Variants in LTAP1 observed in about 807,000 individuals in gnomAD.
LTAP1 encodes the protein lipid transport auxiliary protein 1.
chr1:154,220,198 C>T, the LTAP1 span: 1 of 1,050,628 alleles, frequency 9.5e-7, no homozygotes, highest in Non-Finnish European at 1.5e-6. Context: ...GTGACTTAAA[C>T]TCCCACCTAC....
chr1:154,214,760 C>G, the LTAP1 span, among the ~76,000 whole-genome samples: 1 of 152,078 alleles, frequency 6.6e-6, no homozygotes, highest in African/African-American at 2.4e-5. Flanking sequence ...TTCCAATAAC[C>G]TCTCCAAGCT....
At chr1:154,210,080 G>T in the LTAP1 span, among the ~76,000 whole-genome samples, 1 of 151,524 alleles carries the variant, frequency 6.6e-6, no homozygotes, top group African/African-American at 2.4e-5. Context: ...CTCTTGCTCT[G>T]TCACCCACGC....
the LTAP1 span, chr1:154,208,559 G>A: frequency 6.6e-6 from 1 of 151,972 alleles, no homozygotes; most frequent in Non-Finnish European, 1.5e-5. Context: ...TTTTTTTTCA[G>A]AGACAGGTAT....
chr1:154,216,322 A>T, the LTAP1 span, among the ~76,000 whole-genome samples: 1 of 133,708 alleles, frequency 7.5e-6, no homozygotes, highest in Non-Finnish European at 1.6e-5. Flanking sequence ...ATCCCTCTGC[A>T]ACTTGTTTAA....
the LTAP1 span, among the ~76,000 whole-genome samples, chr1:154,210,319 G>A: frequency 6.6e-6 from 1 of 152,184 alleles, no homozygotes; most frequent in Non-Finnish European, 1.5e-5. Flanking sequence ...GATTATAGAC[G>A]TGAGCCACTG....
chr1:154,215,014 TTTCTA>T, the LTAP1 span, among the ~76,000 whole-genome samples: 3 of 151,900 alleles, frequency 2.0e-5, no homozygotes, highest in African/African-American at 7.3e-5. Context: ...CTGGCTAATT[TTTCTA>T]TTCTTAGTAG....
At chr1:154,219,585 A>C in the LTAP1 span, among the ~76,000 whole-genome samples, 3 of 152,222 alleles carry the variant, frequency 2.0e-5, no homozygotes, top group African/African-American at 7.2e-5. Context: ...AACAGTTGGG[A>C]ACTTCGACCC....
the LTAP1 span, among the ~76,000 whole-genome samples, chr1:154,210,872 A>C: frequency 2.0e-5 from 3 of 152,188 alleles, no homozygotes; most frequent in African/African-American, 7.2e-5. Context: ...GTGTATTAAA[A>C]ACATTCCCAA....
At chr1:154,217,613 A>G in the LTAP1 span, among the ~76,000 whole-genome samples, 1 of 151,742 alleles carries the variant, frequency 6.6e-6, no homozygotes, top group African/African-American at 2.4e-5. Flanking sequence ...GCTTACTACA[A>G]CCTCTGCCAC....
At chr1:154,207,369 T>C in the LTAP1 span, 1 of 1,324,718 alleles carries the variant, frequency 7.5e-7, no homozygotes, top group Non-Finnish European at 1.1e-6. Flanking sequence ...CTGGGCCAGA[T>C]GTTCCGAGGG....
the LTAP1 span, among the ~76,000 whole-genome samples, chr1:154,218,142 A>G: frequency 1.3e-5 from 2 of 152,202 alleles, no homozygotes; most frequent in Non-Finnish European, 2.9e-5. Flanking sequence ...TCTTCTTCAA[A>G]TATTATGAAC....
the LTAP1 span, among the ~76,000 whole-genome samples, chr1:154,218,697 G>A: frequency 2.6e-5 from 4 of 152,204 alleles, no homozygotes; most frequent in African/African-American, 4.8e-5. Flanking sequence ...CATTCAACAA[G>A]AAATTACTGA....
the LTAP1 span, chr1:154,207,220 A>C: frequency 2.5e-6 from 1 of 400,946 alleles, no homozygotes; most frequent in East Asian, 4.4e-5. Flanking sequence ...AAATCCAGAA[A>C]AAAGCGCTAC....
At chr1:154,216,581 T>C in the LTAP1 span, among the ~76,000 whole-genome samples, 6 of 151,900 alleles carry the variant, frequency 3.9e-5, no homozygotes, top group Non-Finnish European at 5.9e-5. Flanking sequence ...TCTTGGCTCA[T>C]TGCAACCTCT....
the LTAP1 span, chr1:154,212,776 C>G: frequency 1.2e-5 from 9 of 740,880 alleles, no homozygotes; most frequent in South Asian, 1.6e-4. Flanking sequence ...ATTCTCTAGT[C>G]TCAGCCTCCT....
At chr1:154,217,761 C>A in the LTAP1 span, among the ~76,000 whole-genome samples, 1 of 152,028 alleles carries the variant, frequency 6.6e-6, no homozygotes, top group African/African-American at 2.4e-5. Context: ...CTGCCCAACT[C>A]GGCCTCCCTA....
chr1:154,217,881 T>C, the LTAP1 span, among the ~76,000 whole-genome samples: 3 of 152,294 alleles, frequency 2.0e-5, no homozygotes, highest in Non-Finnish European at 2.9e-5. Context: ...CTTGTCTTCA[T>C]ATATTTATCT....
At chr1:154,219,791 A>G in the LTAP1 span, 2 of 1,384,374 alleles carry the variant, frequency 1.4e-6, no homozygotes, top group Non-Finnish European at 2.0e-6. Flanking sequence ...TCTTGACCCT[A>G]AAAGATCTGG....
chr1:154,209,535 C>A, the LTAP1 span, among the ~76,000 whole-genome samples: 4 of 150,990 alleles, frequency 2.6e-5, no homozygotes, highest in Non-Finnish European at 4.4e-5. Flanking sequence ...AAGTGGTACA[C>A]GCACCTCAGC....
Sources: allele counts gnomAD v4.1 joint callset (sites outside exome capture counted in the v4.1 genomes callset), GRCh38; gene constraint gnomAD v4.1.1; transcripts MANE v1.5; gene names NCBI Gene and HGNC (gene_info 2026-07-23, HGNC 2026-07-21).